Variants in LRP1B observed in about 807,000 individuals in gnomAD.
The protein encoded by LRP1B is LDL receptor related protein 1B.
Under a neutral mutation model 556.6 loss-of-function variants are expected in LRP1B, and 217 were observed. The ratio of observed to expected loss-of-function variants is 0.39; its 90% CI spans 0.35 to 0.44. The LOEUF is 0.44. LRP1B is among the 20% of genes least tolerant of loss of function. LRP1B has a pLI of 1.00. For missense variants in LRP1B, 5,053 were observed against 5,620.8 expected (o/e 0.90, Z 3.23); for synonymous variants, 2,047 against 1,865.8 (o/e 1.10, Z -2.50).
chr2:141,215,049 G>A (rs1384764021), intron 6 of LRP1B, among the ~76,000 whole-genome samples: 1 of 152,210 alleles, frequency 6.6e-6, no homozygotes, highest in East Asian at 1.9e-4. Context: ...AATCCCCGAT[G>A]TTGGAGGTGG....
At chr2:140,615,005 G>T (rs1683207800) in intron 41 of LRP1B, among the ~76,000 whole-genome samples, 1 of 152,076 alleles carries the variant, frequency 6.6e-6, no homozygotes, top group African/African-American at 2.4e-5. Context: ...GAAGATAACA[G>T]CCCCTTCCTG....
intron 2 of LRP1B, among the ~76,000 whole-genome samples, chr2:141,483,347 T>C (rs1160553103): frequency 6.7e-6 from 1 of 149,804 alleles, no homozygotes; most frequent in African/African-American, 2.5e-5. Flanking sequence ...CACATTTGCT[T>C]AATCCAGTCT....
intron 7 of LRP1B, among the ~76,000 whole-genome samples, chr2:141,165,049 G>C (rs1486166754): frequency 6.6e-6 from 1 of 151,898 alleles, no homozygotes; most frequent in Non-Finnish European, 1.5e-5. Context: ...AACAGTAATA[G>C]GCAATGAAAT....
chr2:140,971,059 C>A (rs142697895), intron 18 of LRP1B, among the ~76,000 whole-genome samples: 1 of 152,002 alleles, frequency 6.6e-6, no homozygotes, highest in Non-Finnish European at 1.5e-5. Flanking sequence ...AATGATTGGT[C>A]GCTTATTGAA....
intron 1 of LRP1B, among the ~76,000 whole-genome samples, chr2:142,109,900 C>T (rs1331801632): frequency 6.6e-6 from 1 of 152,042 alleles, no homozygotes; most frequent in Admixed American, 6.6e-5. Context: ...GGCCCCTTAC[C>T]TGAAGAGAAA....
Position 140,923,095 on chromosome 2 carries a change from A to T in LRP1B, c.3189T>A (p.Asp1063Glu). 1 of 1,612,886 alleles carries T rather than the reference A, an allele frequency of 6.2e-7. No individual in the cohort carries two copies. Among genetic ancestry groups the T allele is most frequent in the South Asian group, 1.1e-5 (1 of 90,996 alleles). ...GCCACAAATCAGGAACGCAATTACC[A>T]TCAGGGTGGCACTGAAATTCATTTC... is the stretch of plus-strand genomic sequence containing the variant. ...CNGNEFQCHP[D>E]GNCVPDLWRC... Residue 1063 changes from aspartate (D) to glutamate (E), a missense_variant, in exon 21 of 91, where the codon GAT becomes GAA. Coordinates refer to ENST00000389484, the MANE Select transcript of LRP1B (RefSeq NM_018557.3).
chr2:140,402,804 C>A (rs1303306791), intron 66 of LRP1B, among the ~76,000 whole-genome samples: 2 of 152,192 alleles, frequency 1.3e-5, no homozygotes, highest in African/African-American at 4.8e-5. Context: ...CCAGGGATAC[C>A]TCCTCTACTG....
At chr2:141,973,499 T>G (rs1294605771) in intron 1 of LRP1B, among the ~76,000 whole-genome samples, 5 of 151,794 alleles carry the variant, frequency 3.3e-5, no homozygotes, top group African/African-American at 9.7e-5. Context: ...TATATCTGTT[T>G]CTTCAGTGTT....
intron 43 of LRP1B, among the ~76,000 whole-genome samples, chr2:140,574,825 C>A (rs1418600859): frequency 6.6e-6 from 1 of 152,100 alleles, no homozygotes; most frequent in African/African-American, 2.4e-5. Flanking sequence ...AATATTAAAT[C>A]ATACTGAAAA....
intron 2 of LRP1B, among the ~76,000 whole-genome samples, chr2:141,591,007 A>T (rs1574113933): frequency 6.6e-6 from 1 of 152,228 alleles, no homozygotes; most frequent in East Asian, 1.9e-4. Flanking sequence ...TTGAAGCCCG[A>T]GCCATGGTAA....
chr2:141,663,188 G>T lies in LRP1B; in HGVS notation c.205+147091C>A, dbSNP rs189390521. On this transcript the variant is annotated intron_variant, in intron 2 of 90. Coordinates refer to ENST00000389484, the MANE Select transcript of LRP1B (RefSeq NM_018557.3). Reference sequence around the variant, plus strand: ...GAATATCTGGGATGCAGCTAAAGCAGTGTTAAGAGGGAAATTTATGGCATT... The same window carrying T: ...GAATATCTGGGATGCAGCTAAAGCATTGTTAAGAGGGAAATTTATGGCATT... 1.8e-4 allele frequency among the ~76,000 whole-genome samples: 28 copies of T among 152,270 alleles called. No homozygotes were observed. The East Asian group carries it at 5.4e-3, about 29-fold the overall frequency.
At chr2:141,640,947 C>T (rs1336346452) in intron 2 of LRP1B, among the ~76,000 whole-genome samples, 1 of 152,118 alleles carries the variant, frequency 6.6e-6, no homozygotes, top group Non-Finnish European at 1.5e-5. Context: ...GCTGATTTGT[C>T]TTTGTATCCT....
intron 23 of LRP1B, among the ~76,000 whole-genome samples, chr2:140,895,543 C>T (rs2105210116): frequency 6.6e-6 from 1 of 152,200 alleles, no homozygotes; most frequent in South Asian, 2.1e-4. Context: ...CCCCTAGAGC[C>T]TCAGAAGGCA....
chr2:141,113,922 C>G (rs565244868), intron 7 of LRP1B, among the ~76,000 whole-genome samples: 3 of 152,166 alleles, frequency 2.0e-5, no homozygotes, highest in Admixed American at 6.5e-5. Flanking sequence ...TGTTAGAAAA[C>G]TCATGCAATT....
intron 3 of LRP1B, among the ~76,000 whole-genome samples, chr2:141,366,281 C>T (rs1173331347): frequency 6.6e-6 from 1 of 152,192 alleles, no homozygotes; most frequent in Non-Finnish European, 1.5e-5. Flanking sequence ...CCCTTTTGGA[C>T]AACTGGTGGG....
chr2:141,310,132 G>A (rs1686756877), intron 3 of LRP1B, among the ~76,000 whole-genome samples: 1 of 152,118 alleles, frequency 6.6e-6, no homozygotes, highest in South Asian at 2.1e-4. Flanking sequence ...AAACAACTAA[G>A]TACTATAGTC....
At chr2:141,688,478 A>G (rs981297175) in intron 2 of LRP1B, among the ~76,000 whole-genome samples, 2 of 151,944 alleles carry the variant, frequency 1.3e-5, no homozygotes, top group Non-Finnish European at 2.9e-5. Context: ...GTGAAATCAA[A>G]TAACAAGTAA....
rs1284971434 is a variant in LRP1B, at chr2:140,492,532, C to T, written c.9120+76G>A. On this transcript the variant is annotated intron_variant, in intron 57 of 90. Coordinates refer to ENST00000389484, the MANE Select transcript of LRP1B (RefSeq NM_018557.3). ...AAATATGCTTCACAAACTCTAATTGCCAGGTAGTTCTACAGCTCTAACACA... is the reference window on the plus strand; with the variant it reads ...AAATATGCTTCACAAACTCTAATTGTCAGGTAGTTCTACAGCTCTAACACA... 4.6e-6 allele frequency: 4 copies of T among 873,890 alleles called. No homozygotes were observed. In the African/African-American group the frequency reaches 5.1e-5, roughly 11 times the overall value. The allele number at this position is 873,890 out of a possible 1,614,324, so 54.1% of individuals were successfully genotyped here.
intron 87 of LRP1B, among the ~76,000 whole-genome samples, chr2:140,243,592 A>C (rs1198185451): frequency 6.6e-6 from 1 of 151,204 alleles, no homozygotes; most frequent in Non-Finnish European, 1.5e-5. Context: ...CCTTTCTCTT[A>C]AGCATTTTGG....
Sources: gnomAD v4.1 joint callset for allele counts (sites outside exome capture counted in the v4.1 genomes callset) on GRCh38, gnomAD v4.1.1 for gene constraint, MANE v1.5 for transcripts, NCBI Gene and HGNC (gene_info 2026-07-23, HGNC 2026-07-21) for gene names.